Variants in FBN3 observed in about 807,000 individuals in gnomAD.
FBN3 encodes fibrillin 3.
A neutral mutation model predicts 330.1 loss-of-function variants in FBN3; 234 were observed. That is an observed-to-expected ratio of 0.71 (90% CI 0.64 to 0.79). FBN3 has a LOEUF of 0.79. FBN3 is among the 30% of genes least tolerant of loss of function. The pLI is 0.00. For synonymous variants in FBN3, 1,458 were observed against 1,517.3 expected, an observed-to-expected ratio of 0.96 and a Z score of 0.91; for missense variants, 3,606 against 3,886.9, an observed-to-expected ratio of 0.93 and a Z score of 1.92.
chr19:8,133,181 GGGCT>G, intron 13 of FBN3, 75 bp from the exon 14 acceptor site: 1 of 1,475,818 alleles, frequency 6.8e-7, no homozygotes, highest in Non-Finnish European at 9.0e-7. Context: ...CCAGGCTCCA[GGGCT>G]GACCCCCCAG....
intron 30 of FBN3, 121 bp downstream of exon 30, chr19:8,115,394 G>T: frequency 1.6e-6 from 2 of 1,282,222 alleles, no homozygotes; most frequent in Non-Finnish European, 2.1e-6. Context: ...GAAGCCATCC[G>T]TGGAAATCTA....
chr19:8,145,007 C>T, intron 5 of FBN3, 35 bp from the exon 6 acceptor site: 1 of 1,559,736 alleles, frequency 6.4e-7, no homozygotes, highest in Non-Finnish European at 8.7e-7. Context: ...TGGAGGTCCC[C>T]CAGCAGCAGA....
rs751059948 is a variant in FBN3, at chr19:8,111,155, G to T, written c.4113C>A (p.Asp1371Glu). 2 of 1,610,694 alleles carry T rather than the reference G, an allele frequency of 1.2e-6. No individual in the cohort carries two copies. The highest frequency in any genetic ancestry group is 2.2e-5 in the South Asian group (2 of 90,598). The change falls in exon 33 of 64, where the codon GAC (aspartate) becomes GAA (glutamate). Residue 1371 changes from aspartate to glutamate, a missense_variant. Asp to Glu is a conservative substitution (Grantham distance 45, BLOSUM62 2). Transcript: ENST00000600128. ...EDRDECAENVDLCDNGQCLNA... is the reference protein window; with the variant it reads ...EDRDECAENVELCDNGQCLNA... ...TGAGGCACTGCCCGTTGTCACAGAG[G>T]TCCACGTTCTCGGCACATTCATCCC...
chr19:8,090,293 G>T (rs199645708), intron 48 of FBN3, 42 bp from the exon 49 acceptor site: 39 of 1,609,112 alleles, frequency 2.4e-5, no homozygotes, highest in Non-Finnish European at 3.1e-5. Context: ...AAAGCCGCTG[G>T]CAGTGCCCAC....
chr19:8,085,852 G>T (rs2081931553), intron 55 of FBN3, among the ~76,000 whole-genome samples: 1 of 152,030 alleles, frequency 6.6e-6, no homozygotes, highest in Admixed American at 6.5e-5. Flanking sequence ...AGAAGGGACA[G>T]AGGGAAGAGG....
At position 8,090,246 on chromosome 19, in the gene FBN3, G is replaced by A. The variant is rs183278638; in HGVS notation, c.6037C>T (p.Arg2013Trp). 113 of 1,613,888 alleles carry A rather than the reference G, an allele frequency of 7.0e-5. No homozygotes were observed. The East Asian group carries it at 9.1e-4, about 13-fold the overall frequency. The stretch of plus-strand genomic sequence containing the variant: ...AAACGGGTGAAGCAGAAACTCTGCC[G>A]TGTGTCTGTGGGGTGGGGGCTCCAT... ...SDNGHRCFDT[R>W]QSFCFTRFEA... Residue 2013 changes from arginine (R) to tryptophan (W), a missense_variant, in exon 49 of 64, where the codon CGG becomes TGG. Physicochemically the swap from Arg to Trp is moderately radical, Grantham distance 101. Transcript: ENST00000600128.
At chr19:8,091,860 T>C (rs1406530576) in intron 47 of FBN3, among the ~76,000 whole-genome samples, 1 of 152,102 alleles carries the variant, frequency 6.6e-6, no homozygotes, top group East Asian at 1.9e-4. Flanking sequence ...ACAACCTCTA[T>C]GGAAAACAGT....
chr19:8,126,130 G>C (rs770371690), intron 21 of FBN3, 113 bp from the exon 22 acceptor site: 6 of 1,486,886 alleles, frequency 4.0e-6, no homozygotes, highest in African/African-American at 1.4e-5. Context: ...ACGGGGACAC[G>C]GGGACTGGGG....
intron 40 of FBN3, among the ~76,000 whole-genome samples, chr19:8,101,354 C>G (rs1326330671): frequency 6.6e-6 from 1 of 152,144 alleles, no homozygotes; most frequent in Non-Finnish European, 1.5e-5. Flanking sequence ...CAGCTATAAG[C>G]CCCTAGAAGT....
Position 8,145,864 on chromosome 19 carries a change from T to C in FBN3, c.424A>G (p.Thr142Ala). 1 of 1,551,116 alleles carries C rather than the reference T, an allele frequency of 6.4e-7. No homozygotes were observed. Among genetic ancestry groups the C allele is most frequent in the South Asian group, 1.2e-5 (1 of 84,054 alleles). The change falls in exon 5 of 64, where the codon ACA becomes GCA. Residue 142 changes from threonine (T) to alanine (A), a missense_variant. By Grantham distance (58) the Thr-to-Ala change is moderately conservative. Transcript: ENST00000600128. ...GASCLCQKGY[T>A]GTVCGQPICD... is the part of the protein sequence containing the mutation. ...TCACGCTGCCCACACACGGTGCCTG[T>C]GTAGCCCTTCTGACACAGACAGGAC...
At chr19:8,083,570 GA>G (rs1156876130) in intron 56 of FBN3, among the ~76,000 whole-genome samples, 198 bp from the exon 57 acceptor site, 5 of 152,012 alleles carry the variant, frequency 3.3e-5, no homozygotes, top group Non-Finnish European at 7.4e-5. Context: ...ACACGCCCAT[GA>G]AGCTTCCAGG....
intron 59 of FBN3, among the ~76,000 whole-genome samples, chr19:8,080,717 C>T (rs937005272): frequency 6.6e-6 from 1 of 152,094 alleles, no homozygotes; most frequent in Admixed American, 6.5e-5. Flanking sequence ...CTCCCGAGTT[C>T]AAGCGATTCT....
rs967738909 is a variant in FBN3, at chr19:8,066,237, G to C, written c.8112C>G (p.Ser2704=). 1.3e-6 allele frequency: 2 copies of C among 1,575,464 alleles called. No homozygotes were observed. Among genetic ancestry groups the C allele is most frequent in the African/African-American group, 2.7e-5 (2 of 73,556 alleles). Reference sequence around the variant, plus strand: ...TCAGGCCCAAGGTCAGCAGGGCCTCGGAGTCAAGGGTGGCCAGGTTCACCT... The same window carrying C: ...TCAGGCCCAAGGTCAGCAGGGCCTCCGAGTCAAGGGTGGCCAGGTTCACCT... ...DHQVNLATLD[S]EALLTLGLNL... is the part of the protein sequence containing the mutation. The change falls in exon 64 of 64, where the codon TCC becomes TCG. Residue 2704 remains serine (S), a synonymous_variant. Transcript: ENST00000600128.
At chr19:8,145,980 GC>G (rs2083534626) in intron 4 of FBN3, 42 bp from the exon 5 acceptor site, 11 of 1,513,768 alleles carry the variant, frequency 7.3e-6, no homozygotes, top group Non-Finnish European at 9.9e-6. Flanking sequence ...GTGGAGATGG[GC>G]CCCGAGATGC....
At chr19:8,077,806 G>A (rs750806109) in intron 59 of FBN3, among the ~76,000 whole-genome samples, 2 of 152,130 alleles carry the variant, frequency 1.3e-5, no homozygotes, top group Non-Finnish European at 2.9e-5. Context: ...GGCACAGCCA[G>A]GCACCGTGGC....
intron 6 of FBN3, among the ~76,000 whole-genome samples, 200 bp downstream of exon 6, chr19:8,144,677 G>GT (rs887024541): frequency 2.0e-5 from 3 of 151,820 alleles, no homozygotes; most frequent in Non-Finnish European, 2.9e-5. Context: ...TCCAACACAG[G>GT]TGCTCGCTCA....
In FBN3 at chr19:8,065,971, G is replaced by A. The variant is rs771611997; in HGVS notation, c.8378C>T (p.Pro2793Leu). The A allele has an allele frequency of 1.9e-6, 3 of 1,610,938 alleles. No individual in the cohort carries two copies. The African/African-American group carries it at 4.0e-5, about 22-fold the overall frequency. ...CCTCAAGGCCTGGCCCCATGGCCCT[G>A]GCTGCCCCTCTGGCTGGACACCCCA... Reference protein sequence around the residue: ...GPWGVQPEGQPGPWGQALRLK... With the variant: ...GPWGVQPEGQLGPWGQALRLK... The change falls in exon 64 of 64, where the codon CCA (proline) becomes CTA (leucine). Residue 2793 changes from proline to leucine, a missense_variant. By Grantham distance (98) the Pro-to-Leu change is moderately conservative. Transcript: ENST00000600128.
chr19:8,111,497 C>A (rs912066285), intron 32 of FBN3, 151 bp downstream of exon 32: 2 of 905,334 alleles, frequency 2.2e-6, no homozygotes, highest in African/African-American at 3.4e-5. Context: ...CGCAGCACCG[C>A]CTGGGCCGAG....
intron 18 of FBN3, among the ~76,000 whole-genome samples, chr19:8,127,048 GTT>G (rs140844932): frequency 2.6e-5 from 3 of 113,916 alleles, no homozygotes; most frequent in African/African-American, 9.4e-5. Flanking sequence ...ATGCCAAACT[GTT>G]TTTTTTTTGT....
Sources: gnomAD v4.1 joint callset for allele counts (sites outside exome capture counted in the v4.1 genomes callset) on GRCh38, gnomAD v4.1.1 for gene constraint, MANE v1.5 for transcripts, NCBI Gene and HGNC (gene_info 2026-07-23, HGNC 2026-07-21) for gene names.